The following EMB variants were observed in gnomAD, a reference collection of about 807,000 sequenced individuals.
The protein encoded by EMB is embigin.
In EMB, 31 loss-of-function variants were observed where a neutral mutation model predicts 41.4. The observed-to-expected ratio is 0.75, with a 90% CI of 0.56 to 1.01. EMB has a LOEUF of 1.01. Among genes scored for constraint, EMB ranks in the 50% least tolerant of loss-of-function variants. The pLI is 0.00. For synonymous variants in EMB, 137 were observed against 140.4 expected, an observed-to-expected ratio of 0.98 and a Z score of 0.17; for missense variants, 379 against 388.3, an observed-to-expected ratio of 0.98 and a Z score of 0.20.
rs1288930734 is a variant in EMB, at chr5:50,398,433, G to A, written c.*840C>T. On this transcript the variant is annotated 3_prime_UTR_variant, in exon 9 of 9. Coordinates refer to ENST00000303221, the MANE Select transcript of EMB (RefSeq NM_198449.3). ...CCAGCCATAGATACCAGGAAGCCAG[G>A]TGTTAAATCAAAGAACCAGGAAACC... 3 of 151,902 alleles carry A rather than the reference G, an allele frequency of 2.0e-5. No homozygotes were observed. Among genetic ancestry groups the A allele is most frequent in the Non-Finnish European group, 4.4e-5 (3 of 67,938 alleles). 9.4% of individuals were successfully genotyped at this position (151,902 alleles called of 1,614,324 possible). A position where few individuals can be genotyped will look rare whatever the true frequency, so the allele number is the denominator to read the frequency against.
chr5:50,410,804 A>T, intron 4 of EMB, 73 bp downstream of exon 4: 5 of 935,864 alleles, frequency 5.3e-6, no homozygotes, highest in Non-Finnish European at 7.7e-6. Context: ...AATAATTTTA[A>T]AATTACAGGA....
At chr5:50,405,576 A>G (rs989832568) in intron 5 of EMB, 149 bp downstream of exon 5, 4 of 1,169,950 alleles carry the variant, frequency 3.4e-6, no homozygotes, top group African/African-American at 1.6e-5. Flanking sequence ...TCTGTTTGTC[A>G]CTGCTCTTTC....
intron 2 of EMB, among the ~76,000 whole-genome samples, chr5:50,420,027 C>T (rs1407204258): frequency 1.6e-5 from 2 of 124,672 alleles, no homozygotes; most frequent in African/African-American, 3.4e-5. Flanking sequence ...AGGGGCTTGT[C>T]GATGGAGGGC....
intron 7 of EMB, among the ~76,000 whole-genome samples, chr5:50,400,869 C>A (rs1329324669): frequency 6.6e-6 from 1 of 151,970 alleles, no homozygotes; most frequent in African/African-American, 2.4e-5. Flanking sequence ...TGTTCTGGTA[C>A]CATCCTTTCA....
chr5:50,413,412 G>T (rs1272997458), intron 2 of EMB, among the ~76,000 whole-genome samples: 1 of 152,132 alleles, frequency 6.6e-6, no homozygotes, highest in Non-Finnish European at 1.5e-5. Context: ...AAAAAAAGGT[G>T]CTGGAGGAGG....
In EMB at chr5:50,435,033, CT is replaced by C. The variant is rs1745781955; in HGVS notation, c.112+6006del. Among the ~76,000 whole-genome samples, 5 of 152,286 alleles carry C rather than the reference CT, an allele frequency of 3.3e-5. No individual in the cohort carries two copies. The South Asian group carries it at 1.0e-3, about 32-fold the overall frequency. Reference sequence around the variant, plus strand: ...TGTTTCTGTTGGAGGGCATATACACCTTTGGAAAATGATACCTAAGAACATT... The same window carrying C: ...TGTTTCTGTTGGAGGGCATATACACCTTGGAAAATGATACCTAAGAACATT... On this transcript the variant is annotated intron_variant, in intron 1 of 8. Transcript: ENST00000303221.
At chr5:50,411,135 CA>C (rs1258852350) in intron 3 of EMB, 61 bp downstream of exon 3, 1 of 1,445,216 alleles carries the variant, frequency 6.9e-7, no homozygotes, top group African/African-American at 1.4e-5. Flanking sequence ...GCTCAGTCAG[CA>C]AAAATATTTA....
intron 2 of EMB, among the ~76,000 whole-genome samples, chr5:50,417,406 T>G (rs1269017889): frequency 6.6e-6 from 1 of 152,258 alleles, no homozygotes; most frequent in Non-Finnish European, 1.5e-5. Context: ...CCTTGATTCT[T>G]GTAATTTCAC....
Position 50,397,486 on chromosome 5 carries a change from G to A in EMB, c.*1787C>T, listed in dbSNP as rs1272195513. On this transcript the variant is annotated 3_prime_UTR_variant, in exon 9 of 9. Transcript: ENST00000303221. The stretch of plus-strand genomic sequence containing the variant: ...ATTGTATGAGCCTCAATGGTTAGTG[G>A]TGGTAAAATGGAAGAATGCATACTG... The A allele has an allele frequency of 6.6e-6, 1 of 152,092 alleles. No homozygotes were observed. The highest frequency in any genetic ancestry group is 1.5e-5 in the Non-Finnish European group (1 of 68,022). The allele number at this position is 152,092 out of a possible 1,614,324, so 9.4% of individuals were successfully genotyped here. A position where few individuals can be genotyped will look rare whatever the true frequency, so the allele number is the denominator to read the frequency against.
chr5:50,431,485 T>C (rs1177963271), intron 1 of EMB, among the ~76,000 whole-genome samples: 1 of 152,080 alleles, frequency 6.6e-6, no homozygotes, highest in Non-Finnish European at 1.5e-5. Flanking sequence ...CAAAAAGAAG[T>C]ATAAAATGGA....
chr5:50,425,484 A>G (rs1188125136), intron 2 of EMB, among the ~76,000 whole-genome samples: 4 of 150,896 alleles, frequency 2.7e-5, no homozygotes, highest in African/African-American at 9.8e-5. Flanking sequence ...ACTAAACACT[A>G]ATATGCAGAG....
At chr5:50,415,898 A>G (rs1184735561) in intron 2 of EMB, among the ~76,000 whole-genome samples, 3 of 152,256 alleles carry the variant, frequency 2.0e-5, no homozygotes, top group African/African-American at 7.2e-5. Context: ...GCGATGATAA[A>G]ATGAACAGTG....
chr5:50,426,171 T>C (rs2111840881), intron 2 of EMB, among the ~76,000 whole-genome samples: 1 of 152,326 alleles, frequency 6.6e-6, no homozygotes, highest in South Asian at 2.1e-4. Context: ...CTGCAAAGCA[T>C]AATGGCTAAT....
chr5:50,421,000 TA>T (rs1166268387), intron 2 of EMB, among the ~76,000 whole-genome samples: 1 of 152,200 alleles, frequency 6.6e-6, no homozygotes, highest in Non-Finnish European at 1.5e-5. Context: ...AGAGGGGATT[TA>T]AAATTACTAA....
intron 7 of EMB, among the ~76,000 whole-genome samples, chr5:50,401,331 A>G (rs1339682750): frequency 6.6e-6 from 1 of 152,018 alleles, no homozygotes; most frequent in East Asian, 1.9e-4. Context: ...AAACATCTAA[A>G]TGACAACTGT....
intron 2 of EMB, among the ~76,000 whole-genome samples, chr5:50,413,377 C>T (rs1324542855): frequency 6.6e-6 from 1 of 152,084 alleles, no homozygotes; most frequent in Middle Eastern, 3.2e-3. Context: ...GAAGAATACC[C>T]CACTACCTAG....
chr5:50,417,839 G>GA (rs1745454878), intron 2 of EMB, among the ~76,000 whole-genome samples: 1 of 152,070 alleles, frequency 6.6e-6, no homozygotes, highest in Non-Finnish European at 1.5e-5. Flanking sequence ...ATGAAGCCAG[G>GA]TTTTCCAAAA....
intron 2 of EMB, among the ~76,000 whole-genome samples, chr5:50,419,182 G>A (rs1163466482): frequency 6.6e-6 from 1 of 152,132 alleles, no homozygotes; most frequent in Non-Finnish European, 1.5e-5. Context: ...GGCCAGTCCT[G>A]CCCTTTTGTT....
At position 50,402,378 on chromosome 5, in the gene EMB, T is replaced by C. The variant is rs181260350; in HGVS notation, c.878-59A>G. ...TGGTTTGTCACTTTTATGGAACATA[T>C]ATGCTCAATTAAACCTCCTTCCTAA... On this transcript the variant is annotated intron_variant, in intron 6 of 8. Transcript: ENST00000303221. The C allele has an allele frequency of 1.5e-4, 225 of 1,466,752 alleles. No homozygotes were observed. The Admixed American group carries it at 3.8e-3, about 25-fold the overall frequency. 90.9% of individuals were successfully genotyped at this position (1,466,752 alleles called of 1,614,324 possible). A position where few individuals can be genotyped will look rare whatever the true frequency, so the allele number is the denominator to read the frequency against.
Sources: allele counts gnomAD v4.1 joint callset (sites outside exome capture counted in the v4.1 genomes callset), GRCh38; gene constraint gnomAD v4.1.1; transcripts MANE v1.5; gene names NCBI Gene and HGNC (gene_info 2026-07-23, HGNC 2026-07-21).